The following N4BP1 variants were observed in gnomAD, a reference collection of about 807,000 sequenced individuals.
The protein encoded by N4BP1 is NEDD4-binding protein 1.
In N4BP1, 21 loss-of-function variants were observed where a neutral mutation model predicts 70.9. The ratio of observed to expected loss-of-function variants is 0.30; its 90% confidence interval spans 0.21 to 0.43. N4BP1 has a LOEUF of 0.43. Among genes scored for constraint, N4BP1 ranks in the 20% least tolerant of loss-of-function variants. The pLI, the probability that N4BP1 is intolerant of heterozygous loss-of-function variation, is 1.00. For missense variants in N4BP1, 936 were observed against 1,069.4 expected, an observed-to-expected ratio of 0.88 and a Z score of 1.74; for synonymous variants, 387 against 394.6, an observed-to-expected ratio of 0.98 and a Z score of 0.23.
At chr16:48,589,826 T>C (rs907111125) in intron 1 of N4BP1, among the ~76,000 whole-genome samples, 10 of 152,232 alleles carry the variant, frequency 6.6e-5, no homozygotes, top group East Asian at 1.9e-4. Context: ...TCAGACCTAA[T>C]TGACTCCATC....
At chr16:48,568,691 T>C (rs982738219) in intron 1 of N4BP1, among the ~76,000 whole-genome samples, 1 of 152,264 alleles carries the variant, frequency 6.6e-6, no homozygotes, top group African/African-American at 2.4e-5. Context: ...TAACATTTCT[T>C]GTCTTTCATC....
chr16:48,587,590 A>G (rs192271579), intron 1 of N4BP1, among the ~76,000 whole-genome samples: 2 of 152,318 alleles, frequency 1.3e-5, no homozygotes, highest in Admixed American at 1.3e-4. Flanking sequence ...AAATACTTTC[A>G]CTGGCTCTCT....
At chr16:48,575,419 T>C (rs528184750) in intron 1 of N4BP1, among the ~76,000 whole-genome samples, 1 of 152,252 alleles carries the variant, frequency 6.6e-6, no homozygotes, top group Non-Finnish European at 1.5e-5. Context: ...CTTTCTTTTA[T>C]GTGGTACATG....
chr16:48,580,328 C>T (rs1431287478), intron 1 of N4BP1, among the ~76,000 whole-genome samples: 1 of 151,982 alleles, frequency 6.6e-6, no homozygotes, highest in African/African-American at 2.4e-5. Flanking sequence ...AATTGGATAA[C>T]TCAGAAGAAA....
chr16:48,549,520 C>T (rs186277319), intron 4 of N4BP1, among the ~76,000 whole-genome samples: 1 of 152,354 alleles, frequency 6.6e-6, no homozygotes, highest in East Asian at 1.9e-4. Flanking sequence ...GTTAAAGGAC[C>T]TGAGCCCTGC....
At chr16:48,562,485 T>C (rs1013762611) in intron 1 of N4BP1, 41 bp from the exon 2 acceptor site, 6 of 1,506,256 alleles carry the variant, frequency 4.0e-6, no homozygotes, top group African/African-American at 2.8e-5. Flanking sequence ...TTTACAAAAG[T>C]TCCTTATAGC....
At chr16:48,545,244 C>G (rs549879352) in intron 6 of N4BP1, among the ~76,000 whole-genome samples, 1 of 150,348 alleles carries the variant, frequency 6.7e-6, no homozygotes, top group African/African-American at 2.4e-5. Context: ...GGATTACAGG[C>G]GTGAGCCACC....
chr16:48,571,815 C>A (rs1246663702), intron 1 of N4BP1, among the ~76,000 whole-genome samples: 2 of 152,096 alleles, frequency 1.3e-5, no homozygotes, highest in African/African-American at 4.8e-5. Flanking sequence ...CTTAAAGGTC[C>A]ACCTAGGATA....
At chr16:48,591,095 T>C (rs1964330509) in intron 1 of N4BP1, among the ~76,000 whole-genome samples, 1 of 152,220 alleles carries the variant, frequency 6.6e-6, no homozygotes, top group Non-Finnish European at 1.5e-5. Context: ...TCAAAAATTA[T>C]CTTGAGCAAT....
intron 5 of N4BP1, among the ~76,000 whole-genome samples, chr16:48,547,366 C>T (rs1963604524): frequency 6.6e-6 from 1 of 152,134 alleles, no homozygotes; most frequent in Non-Finnish European, 1.5e-5. Flanking sequence ...GAAGCCAGTG[C>T]CCACTGATCT....
At chr16:48,606,852 T>C (rs770009588) in intron 1 of N4BP1, among the ~76,000 whole-genome samples, 1 of 152,252 alleles carries the variant, frequency 6.6e-6, no homozygotes, top group Non-Finnish European at 1.5e-5. Context: ...TGAAAAACTC[T>C]TCTTTGCTCT....
intron 1 of N4BP1, chr16:48,600,356 G>A: frequency 1.3e-6 from 1 of 780,096 alleles, no homozygotes; most frequent in South Asian, 1.3e-5. Context: ...AGCTTACACT[G>A]GATAATTCAT....
At chr16:48,583,051 A>C (rs1964196559) in intron 1 of N4BP1, among the ~76,000 whole-genome samples, 2 of 152,148 alleles carry the variant, frequency 1.3e-5, no homozygotes, top group South Asian at 4.1e-4. Context: ...ACATCACTGC[A>C]CTCTAGCCTG....
chr16:48,583,214 A>ATGCT (rs1379753894), intron 1 of N4BP1, among the ~76,000 whole-genome samples: 1 of 152,216 alleles, frequency 6.6e-6, no homozygotes, highest in Non-Finnish European at 1.5e-5. Flanking sequence ...AAACAATGGA[A>ATGCT]TGCTTATCAG....
At chr16:48,556,529 C>G (rs750269114) in intron 2 of N4BP1, among the ~76,000 whole-genome samples, 4 of 152,208 alleles carry the variant, frequency 2.6e-5, no homozygotes, top group Non-Finnish European at 5.9e-5. Context: ...GTTCCAAATG[C>G]AGAATGAACA....
chr16:48,605,709 C>T (rs1410275309), intron 1 of N4BP1, among the ~76,000 whole-genome samples: 12 of 152,196 alleles, frequency 7.9e-5, no homozygotes, highest in African/African-American at 2.9e-4. Flanking sequence ...CAGCAACAGA[C>T]CACACTGAGC....
intron 1 of N4BP1, among the ~76,000 whole-genome samples, chr16:48,564,675 T>C (rs536380315): frequency 6.6e-6 from 1 of 152,330 alleles, no homozygotes; most frequent in Non-Finnish European, 1.5e-5. Flanking sequence ...TTAGAATAAT[T>C]TTGTCTGTGT....
intron 5 of N4BP1, among the ~76,000 whole-genome samples, chr16:48,546,937 G>A (rs1321304787): frequency 6.6e-6 from 1 of 152,138 alleles, no homozygotes; most frequent in Non-Finnish European, 1.5e-5. Context: ...CCAGGCAGAG[G>A]TCCAACAGAA....
At chr16:48,576,480 T>C (rs1964095908) in intron 1 of N4BP1, among the ~76,000 whole-genome samples, 2 of 152,180 alleles carry the variant, frequency 1.3e-5, no homozygotes, top group Non-Finnish European at 2.9e-5. Flanking sequence ...CTAGACGCTA[T>C]CCCTACTACA....
Sources: allele counts gnomAD v4.1 joint callset (sites outside exome capture counted in the v4.1 genomes callset), GRCh38; gene constraint gnomAD v4.1.1; transcripts MANE v1.5; gene names NCBI Gene and HGNC (gene_info 2026-07-23, HGNC 2026-07-21).